The following EXOC5 variants were observed in gnomAD, a reference collection of about 807,000 sequenced individuals.
The protein encoded by EXOC5 is exocyst complex component 5, also known as SEC10-like 1.
In EXOC5, 17 loss-of-function variants were observed where a neutral mutation model predicts 90.8. The ratio of observed to expected loss-of-function variants is 0.19; its 90% confidence interval spans 0.13 to 0.28. EXOC5 has a LOEUF of 0.28. Among genes scored for constraint, EXOC5 ranks in the 10% least tolerant of loss-of-function variants. EXOC5 has a pLI of 1.00. For missense variants in EXOC5, 569 were observed against 830.6 expected, an observed-to-expected ratio of 0.69 and a Z score of 3.87; for synonymous variants, 260 against 270.0, an observed-to-expected ratio of 0.96 and a Z score of 0.36.
At chr14:57,232,613 CAAAA>C (rs538851416) in intron 10 of EXOC5, 50 bp downstream of exon 10, 94 of 776,772 alleles carry the variant, frequency 1.2e-4, no homozygotes, top group Middle Eastern at 1.1e-3. Flanking sequence ...TTGTTTTTAT[CAAAA>C]AAATTTAAAA....
intron 15 of EXOC5, among the ~76,000 whole-genome samples, chr14:57,213,010 T>C (rs12431718): frequency 0.011 from 1,708 of 152,294 alleles, 107 homozygotes; most frequent in Admixed American, 0.097. Context: ...AGGTAATATA[T>C]GGTGGTCATT....
intron 1 of EXOC5, among the ~76,000 whole-genome samples, chr14:57,257,675 A>G (rs1884391254): frequency 6.6e-6 from 1 of 152,070 alleles, no homozygotes; most frequent in Admixed American, 6.5e-5. Context: ...AAAAAGCAAA[A>G]AATAAAAAAT....
intron 14 of EXOC5, among the ~76,000 whole-genome samples, chr14:57,218,574 T>C (rs1416200011): frequency 6.6e-6 from 1 of 152,070 alleles, no homozygotes; most frequent in East Asian, 1.9e-4. Flanking sequence ...ACATTCAAAA[T>C]ATTAAGAAAT....
Position 57,239,578 on chromosome 14 carries a change from T to C in EXOC5, c.530+17A>G, listed in dbSNP as rs372765019. 2.9e-6 allele frequency: 4 copies of C among 1,384,686 alleles called. No individual in the cohort carries two copies. The highest frequency in any genetic ancestry group is 4.0e-6 in the Non-Finnish European group (4 of 1,007,610). The allele number at this position is 1,384,686 out of a possible 1,614,324, so 85.8% of individuals were successfully genotyped here. A position where few individuals can be genotyped will look rare whatever the true frequency, so the allele number is the denominator to read the frequency against. On this transcript the variant is annotated intron_variant, in intron 5 of 17. Coordinates refer to ENST00000621441, the MANE Select transcript of EXOC5 (RefSeq NM_006544.4). ...TTATACCACATATTCAAATTAGCTC[T>C]TGAGAAATGAACTTGCCTATCAAAA...
intron 1 of EXOC5, among the ~76,000 whole-genome samples, chr14:57,260,226 AC>A (rs997345926): frequency 1.3e-5 from 2 of 152,198 alleles, no homozygotes; most frequent in African/African-American, 4.8e-5. Context: ...TTAAAAAAGC[AC>A]CACAAAATAT....
At chr14:57,252,291 T>C (rs755005668) in intron 1 of EXOC5, among the ~76,000 whole-genome samples, 3 of 152,156 alleles carry the variant, frequency 2.0e-5, no homozygotes, top group Non-Finnish European at 4.4e-5. Flanking sequence ...TAAACATTCA[T>C]GCAGAAATCC....
chr14:57,221,322 G>C (rs889498932), intron 13 of EXOC5, among the ~76,000 whole-genome samples: 1 of 152,152 alleles, frequency 6.6e-6, no homozygotes, highest in African/African-American at 2.4e-5. Flanking sequence ...ATACATACCA[G>C]GCCAGATAAA....
intron 9 of EXOC5, chr14:57,233,016 G>A (rs1883532473): frequency 8.3e-6 from 2 of 241,204 alleles, no homozygotes; most frequent in Non-Finnish European, 1.6e-5. Context: ...ATTCTGCTCT[G>A]TGAGGTGCAT....
intron 1 of EXOC5, among the ~76,000 whole-genome samples, chr14:57,254,900 A>T (rs1884304256): frequency 6.6e-6 from 1 of 152,172 alleles, no homozygotes; most frequent in African/African-American, 2.4e-5. Flanking sequence ...CCCCCAGAAC[A>T]CTGAGAAATA....
intron 1 of EXOC5, among the ~76,000 whole-genome samples, chr14:57,254,080 G>T (rs1236449395): frequency 6.6e-6 from 1 of 152,068 alleles, no homozygotes; most frequent in Admixed American, 6.6e-5. Flanking sequence ...TCAAAAATGG[G>T]CTAAGGACTG....
At chr14:57,250,241 AAG>A (rs2139658079) in intron 1 of EXOC5, among the ~76,000 whole-genome samples, 1 of 152,308 alleles carries the variant, frequency 6.6e-6, no homozygotes, top group Admixed American at 6.5e-5. Context: ...GTGTGACTAA[AAG>A]AGAGTGAATG....
intron 12 of EXOC5, among the ~76,000 whole-genome samples, chr14:57,224,724 A>G (rs992564508): frequency 5.9e-5 from 9 of 152,134 alleles, no homozygotes; most frequent in Non-Finnish European, 4.4e-5. Context: ...AACACATCCT[A>G]TGAGGCCAAC....
intron 7 of EXOC5, among the ~76,000 whole-genome samples, chr14:57,234,691 G>A (rs952577492): frequency 4.6e-5 from 7 of 150,782 alleles, no homozygotes; most frequent in Middle Eastern, 3.2e-3. Flanking sequence ...GTAGCCTCCC[G>A]AGTAGCTGGG....
In EXOC5 at chr14:57,209,562, C is replaced by T. The variant is rs769347016; in HGVS notation, c.1938+5G>A. 1.3e-6 allele frequency: 2 copies of T among 1,584,164 alleles called. No homozygotes were observed. The highest frequency in any genetic ancestry group is 2.2e-5 in the South Asian group (2 of 89,848). Reference sequence around the variant, plus strand: ...TGCAAGTTTGATGTTTTTGTGTACACATACCTTGAAGTCTTTGGCACACTT... The same window carrying T: ...TGCAAGTTTGATGTTTTTGTGTACATATACCTTGAAGTCTTTGGCACACTT... On this transcript the variant is annotated splice_donor_5th_base_variant and intron_variant, in intron 17 of 17. Coordinates refer to ENST00000621441, the MANE Select transcript of EXOC5 (RefSeq NM_006544.4).
At position 57,216,838 on chromosome 14, in the gene EXOC5, C is replaced by T. The variant is rs2139615153; in HGVS notation, c.1613+1144G>A. Among the ~76,000 whole-genome samples, 4 of 152,138 alleles carry T rather than the reference C, an allele frequency of 2.6e-5. No homozygotes were observed. The South Asian group carries it at 8.3e-4, about 32-fold the overall frequency. ...CACAGCAAAGAAAACCATCAACAGC[C>T]TATGAAATGGAAGGAAATATTTGTA... On this transcript the variant is annotated intron_variant, in intron 15 of 17. Coordinates refer to ENST00000621441, the MANE Select transcript of EXOC5 (RefSeq NM_006544.4).
At chr14:57,250,370 G>A (rs987457652) in intron 1 of EXOC5, among the ~76,000 whole-genome samples, 2 of 152,118 alleles carry the variant, frequency 1.3e-5, no homozygotes, top group Admixed American at 6.6e-5. Flanking sequence ...GAAAAGGCCA[G>A]GTTCTCAAGA....
At chr14:57,265,906 A>C (rs893551055) in intron 1 of EXOC5, among the ~76,000 whole-genome samples, 1 of 152,234 alleles carries the variant, frequency 6.6e-6, no homozygotes, top group Non-Finnish European at 1.5e-5. Flanking sequence ...GTATTCTGAG[A>C]AACTTCCAGG....
chr14:57,208,608 C>T lies in EXOC5; in HGVS notation c.*1G>A, dbSNP rs1213585588. The T allele has an allele frequency of 6.3e-7, 1 of 1,587,334 alleles. No homozygotes were observed. The highest frequency in any genetic ancestry group is 1.7e-5 in the Admixed American group (1 of 59,682). On this transcript the variant is annotated 3_prime_UTR_variant, in exon 18 of 18. Coordinates refer to ENST00000621441, the MANE Select transcript of EXOC5 (RefSeq NM_006544.4). ...CACTGAATTCCTTTGTAAATTCAAT[C>T]TCAGCTGAAGTGTCGAGCAAGGCGG...
chr14:57,205,602 T>C lies in EXOC5; in HGVS notation c.*3007A>G. ...CTCTTTATCCAGATCCTTGTAAATA[T>C]TCACCATTACAGGTAAGAAAAACGC... On this transcript the variant is annotated 3_prime_UTR_variant, in exon 18 of 18. Transcript: ENST00000621441. 3.2e-6 allele frequency: 1 copy of C among 316,788 alleles called. No homozygotes were observed. Among genetic ancestry groups the C allele is most frequent in the Non-Finnish European group, 6.0e-6 (1 of 166,152 alleles). 19.6% of individuals were successfully genotyped at this position (316,788 alleles called of 1,614,324 possible).
Sources: allele counts gnomAD v4.1 joint callset (sites outside exome capture counted in the v4.1 genomes callset), GRCh38; gene constraint gnomAD v4.1.1; transcripts MANE v1.5; gene names NCBI Gene and HGNC (gene_info 2026-07-23, HGNC 2026-07-21).